Variants in LIN7B observed in about 807,000 individuals in gnomAD.
The protein encoded by LIN7B is lin-7 cell polarity scaffold B.
LIN7B carries 16 observed loss-of-function variants against 27.9 expected under a neutral mutation model. That is an observed-to-expected ratio of 0.57 (90% CI 0.39 to 0.87). The LOEUF (loss-of-function observed/expected upper bound fraction) is 0.87. Among genes scored for constraint, LIN7B ranks in the 40% least tolerant of loss-of-function variants. The probability of loss-of-function intolerance (pLI) is 0.00; values close to 1 mark genes in which losing one functional copy is unlikely to be tolerated. For missense variants in LIN7B, 291 were observed against 288.5 expected (o/e 1.01, Z -0.06); for synonymous variants, 147 against 120.8 (o/e 1.22, Z -1.42).
chr19:49,114,583 C>T, intron 1 of LIN7B, 142 bp downstream of exon 1: 2 of 632,500 alleles, frequency 3.2e-6, no homozygotes, highest in African/African-American at 1.9e-5. Flanking sequence ...CGGGGCCGGG[C>T]GGTCGCTAGG....
chr19:49,117,941 G>A lies in LIN7B; in HGVS notation c.525G>A (p.Pro175=), dbSNP rs1375247346. 1 of 1,614,084 alleles carries A rather than the reference G, an allele frequency of 6.2e-7. No homozygotes were observed. The highest frequency in any genetic ancestry group is 8.5e-7 in the Non-Finnish European group (1 of 1,179,972). ...GSVKLVVRYT[P]RVLEEMEARF... ...TGAAGCTGGTTGTCCGTTACACACC[G>A]CGAGTGCTGGAGGAGATGGAGGCCC... Residue 175 remains proline, a synonymous_variant, in exon 5 of 6, where the codon CCG becomes CCA. Transcript: ENST00000221459.
intron 4 of LIN7B, among the ~76,000 whole-genome samples, 195 bp downstream of exon 4, chr19:49,116,667 GC>G (rs1198868094): frequency 5.3e-5 from 8 of 152,228 alleles, no homozygotes; most frequent in African/African-American, 9.7e-5. Flanking sequence ...AGGGCAGTAG[GC>G]CCCGGCTGAA....
intron 5 of LIN7B, 72 bp downstream of exon 5, chr19:49,118,090 C>A: frequency 6.3e-7 from 1 of 1,585,566 alleles, no homozygotes; most frequent in Non-Finnish European, 8.6e-7. Flanking sequence ...CAAACCAGGC[C>A]AGTGCTTCCT....
chr19:49,117,997 G>A lies in LIN7B; in HGVS notation c.581G>A (p.Arg194His), dbSNP rs749627955. Residue 194 changes from arginine (R) to histidine (H), a missense_variant, in exon 5 of 6, where the codon CGC becomes CAC. Arg to His is a conservative substitution (Grantham distance 29). Coordinates refer to ENST00000221459, the MANE Select transcript of LIN7B (RefSeq NM_022165.3). ...RFEKMRSARR[R>H]QQHQSYSSLE... Reference sequence around the variant, plus strand: ...GAGAAGATGCGCTCTGCCCGCCGGCGCCAACAGCATCAGAGCTACTCGTGA... The same window carrying A: ...GAGAAGATGCGCTCTGCCCGCCGGCACCAACAGCATCAGAGCTACTCGTGA... 2.5e-6 allele frequency: 4 copies of A among 1,613,980 alleles called. No homozygotes were observed. Among genetic ancestry groups the A allele is most frequent in the East Asian group, 2.2e-5 (1 of 44,874 alleles).
chr19:49,114,458 G>A lies in LIN7B; in HGVS notation c.37+17G>A, dbSNP rs2122447365. 11 of 1,208,250 alleles carry A rather than the reference G, an allele frequency of 9.1e-6. No individual in the cohort carries two copies. The South Asian group carries it at 4.6e-4, about 50-fold the overall frequency. 74.8% of individuals were successfully genotyped at this position (1,208,250 alleles called of 1,614,324 possible). ...TGGAGCGGGGTAAGCGTGCGCCAGG[G>A]GGCCCTGCCCACCCGGGCCGCGGCC... On this transcript the variant is annotated intron_variant, in intron 1 of 5. Transcript: ENST00000221459.
rs755274416 is a variant in LIN7B at position 49,114,914 on chromosome 19, C to G, written c.103C>G (p.Leu35Val). 1.4e-6 allele frequency: 2 copies of G among 1,475,130 alleles called. No individual in the cohort carries two copies. Among genetic ancestry groups the G allele is most frequent in the Non-Finnish European group, 1.8e-6 (2 of 1,114,492 alleles). The allele number at this position is 1,475,130 out of a possible 1,614,324, so 91.4% of individuals were successfully genotyped here. Residue 35 changes from leucine (L) to valine (V), a missense_variant, in exon 2 of 6, where the codon CTG becomes GTG. Physicochemically the swap from Leu to Val is conservative, Grantham distance 32. Transcript: ENST00000221459. ...QRSGELPPQK[L>V]QALQRVLQSR... is the part of the protein sequence containing the mutation. ...CAGCGGGGAGCTGCCGCCGCAGAAG[C>G]TGCAGGCCCTCCAGCGAGTTCTGCA...
chr19:49,115,395 T>G, intron 3 of LIN7B, 64 bp downstream of exon 3: 33 of 1,347,940 alleles, frequency 2.4e-5, no homozygotes, highest in Non-Finnish European at 3.3e-5. Context: ...CAATATCTCC[T>G]TCATGCCAGT....
At chr19:49,118,273 C>A in intron 5 of LIN7B, 79 bp from the exon 6 acceptor site, 1 of 1,527,686 alleles carries the variant, frequency 6.5e-7, no homozygotes, top group African/African-American at 1.4e-5. Flanking sequence ...TGGGCCCTTG[C>A]CTCTGCAACC....
At chr19:49,114,737 C>T in intron 1 of LIN7B, 112 bp from the exon 2 acceptor site, 1 of 574,908 alleles carries the variant, frequency 1.7e-6, no homozygotes, top group Admixed American at 4.3e-5. Context: ...GACTAGGCTT[C>T]GGCCGTCCTC....
chr19:49,116,385 C>A lies in LIN7B; in HGVS notation c.351C>A (p.Ile117=), dbSNP rs1209633167. The A allele has an allele frequency of 6.2e-7, 1 of 1,614,250 alleles. No homozygotes were observed. Among genetic ancestry groups the A allele is most frequent in the Admixed American group, 1.7e-5 (1 of 60,028 alleles). The part of the protein sequence containing the change: ...IMGGKEQNSP[I]YISRVIPGGV... ...GTGGCAAAGAGCAAAACTCGCCCAT[C>A]TACATCTCCCGGGTCATCCCAGGGG... The change falls in exon 4 of 6, where the codon ATC becomes ATA. Residue 117 remains isoleucine, a synonymous_variant. Transcript: ENST00000221459.
chr19:49,116,009 C>CA (rs562837227), intron 3 of LIN7B: 22,346 of 283,852 alleles, frequency 0.079, 3 homozygotes, highest in Middle Eastern at 0.11. Context: ...GACTTCATCT[C>CA]AAAAAAAAAA....
chr19:49,116,092 G>C, intron 3 of LIN7B, 171 bp from the exon 4 acceptor site: 1 of 586,678 alleles, frequency 1.7e-6, no homozygotes, highest in East Asian at 2.8e-5. Flanking sequence ...CAAGTGAACA[G>C]AAAGAGACGC....
chr19:49,114,939 A>G lies in LIN7B; in HGVS notation c.128A>G (p.Gln43Arg). Residue 43 changes from glutamine to arginine, a missense_variant, in exon 2 of 6, where the codon CAG becomes CGG. Transcript: ENST00000221459. Reference protein sequence around the residue: ...QKLQALQRVLQSRFCSAIREV... With the variant: ...QKLQALQRVLRSRFCSAIREV... ...CTGCAGGCCCTCCAGCGAGTTCTGCAGAGCCGCTTCTGCTCCGCTATCCGA... is the reference window on the plus strand; with the variant it reads ...CTGCAGGCCCTCCAGCGAGTTCTGCGGAGCCGCTTCTGCTCCGCTATCCGA... 6.9e-7 allele frequency: 1 copy of G among 1,451,894 alleles called. No individual in the cohort carries two copies. 89.9% of individuals were successfully genotyped at this position (1,451,894 alleles called of 1,614,324 possible).
In LIN7B at chr19:49,116,264, C is replaced by T. The variant is rs1438712500; in HGVS notation, c.230C>T (p.Ala77Val). The T allele has an allele frequency of 6.2e-7, 1 of 1,612,626 alleles. No individual in the cohort carries two copies. The highest frequency in any genetic ancestry group is 1.1e-5 in the South Asian group (1 of 91,006). The part of the protein sequence containing the change: ...AEIRAHATAK[A>V]TVAAFTASEG... ...CTTCAGTCGCTTTCTCTCTCCCAGG[C>T]CACAGTGGCTGCCTTCACAGCCAGC... The change falls in exon 4 of 6, where the codon GCC becomes GTC. Residue 77 changes from alanine to valine, a missense_variant and splice_region_variant. Transcript: ENST00000221459.
intron 4 of LIN7B, among the ~76,000 whole-genome samples, chr19:49,116,994 C>T (rs1184707697): frequency 1.3e-5 from 2 of 151,964 alleles, no homozygotes; most frequent in African/African-American, 4.8e-5. Context: ...ACCTGTAATC[C>T]CAGCACTTTG....
At chr19:49,114,719 G>A in intron 1 of LIN7B, 130 bp from the exon 2 acceptor site, 1 of 518,842 alleles carries the variant, frequency 1.9e-6, no homozygotes, top group Non-Finnish European at 3.2e-6. Context: ...GGACTCTGCG[G>A]GGTGTCCGAC....
chr19:49,117,841 G>C lies in LIN7B; in HGVS notation c.439-14G>C. The stretch of plus-strand genomic sequence containing the variant: ...GCGGGCCCCAGGCTCAGCTGTCTGT[G>C]TTGGGCCCTGCAGAGCGTTGAGGGT... On this transcript the variant is annotated splice_polypyrimidine_tract_variant and intron_variant, in intron 4 of 5. Transcript: ENST00000221459. 1 of 1,612,352 alleles carries C rather than the reference G, an allele frequency of 6.2e-7. No individual in the cohort carries two copies. The highest frequency in any genetic ancestry group is 8.5e-7 in the Non-Finnish European group (1 of 1,178,718).
rs1477023875 is a variant in LIN7B at position 49,115,004 on chromosome 19, C to G, written c.156+37C>G. The G allele has an allele frequency of 1.6e-6, 2 of 1,272,360 alleles. 1 individual carries two copies. Among genetic ancestry groups the G allele is most frequent in the Non-Finnish European group, 2.1e-6 (2 of 962,912 alleles). 78.8% of individuals were successfully genotyped at this position (1,272,360 alleles called of 1,614,324 possible). A position where few individuals can be genotyped will look rare whatever the true frequency, so the allele number is the denominator to read the frequency against. On this transcript the variant is annotated intron_variant, in intron 2 of 5. Coordinates refer to ENST00000221459, the MANE Select transcript of LIN7B (RefSeq NM_022165.3). ...GCGGCGCAGGGGCGCGAGCTGGTGGCCGTCGTCCTCCTCCTCCTCCTCCTG... is the reference window on the plus strand; with the variant it reads ...GCGGCGCAGGGGCGCGAGCTGGTGGGCGTCGTCCTCCTCCTCCTCCTCCTG...
At chr19:49,116,903 A>G (rs1314399227) in intron 4 of LIN7B, among the ~76,000 whole-genome samples, 2 of 152,160 alleles carry the variant, frequency 1.3e-5, no homozygotes, top group Non-Finnish European at 2.9e-5. Context: ...TGAGCTGAAA[A>G]GAAAGGGCTT....
Sources: allele counts gnomAD v4.1 joint callset (sites outside exome capture counted in the v4.1 genomes callset), GRCh38; gene constraint gnomAD v4.1.1; transcripts MANE v1.5; gene names NCBI Gene and HGNC (gene_info 2026-07-23, HGNC 2026-07-21).